DOCK5: variants seen among roughly 807,000 people sequenced by gnomAD.
The protein encoded by DOCK5 is dedicator of cytokinesis 5.
DOCK5 carries 142 observed loss-of-function variants against 251.8 expected under a neutral mutation model. That is an observed-to-expected ratio of 0.56 (90% CI 0.49 to 0.65). The LOEUF (loss-of-function observed/expected upper bound fraction) is 0.65, where lower values mean the gene tolerates loss of function less well. Ranked by LOEUF, DOCK5 falls within the 30% of genes least tolerant of loss-of-function variation. The pLI, the probability that DOCK5 is intolerant of heterozygous loss-of-function variation, is 0.00. For missense variants in DOCK5, 2,111 were observed against 2,312.3 expected, an observed-to-expected ratio of 0.91 and a Z score of 1.79; for synonymous variants, 842 against 835.5, an observed-to-expected ratio of 1.01 and a Z score of -0.13.
rs370754245 is a variant in DOCK5 at position 25,396,633 on chromosome 8, A to G, written c.4704+914A>G. ...TTTACAGTGGTTAAATATTTTTTGA[A>G]TATAAACTTTTTGGATATAAATCAA... On this transcript the variant is annotated intron_variant, in intron 45 of 51. Coordinates refer to ENST00000276440, the MANE Select transcript of DOCK5 (RefSeq NM_024940.8). 4.6e-5 allele frequency among the ~76,000 whole-genome samples: 7 copies of G among 152,230 alleles called. No homozygotes were observed. In the East Asian group the frequency reaches 9.7e-4, roughly 21 times the overall value.
intron 11 of DOCK5, 28 bp from the exon 12 acceptor site, chr8:25,308,755 A>C: frequency 6.2e-7 from 1 of 1,611,394 alleles, no homozygotes; most frequent in Non-Finnish European, 8.5e-7. Context: ...TCCCCCTCCC[A>C]CCTTACCTCT....
chr8:25,317,591 A>G (rs1194364868), intron 14 of DOCK5, among the ~76,000 whole-genome samples: 2 of 152,104 alleles, frequency 1.3e-5, no homozygotes, highest in African/African-American at 2.4e-5. Context: ...GGCATCCGCT[A>G]CCACTGCTCT....
At chr8:25,196,870 A>G (rs1270354709) in intron 1 of DOCK5, among the ~76,000 whole-genome samples, 1 of 152,166 alleles carries the variant, frequency 6.6e-6, no homozygotes, top group African/African-American at 2.4e-5. Flanking sequence ...ATTGAACCGT[A>G]TGTCTGTGGT....
intron 27 of DOCK5, among the ~76,000 whole-genome samples, chr8:25,354,073 A>G (rs958877825): frequency 7.0e-6 from 1 of 143,846 alleles, no homozygotes; most frequent in Admixed American, 7.0e-5. Context: ...AACGTAGGAG[A>G]GAAAACTAGT....
Position 25,373,611 on chromosome 8 carries a change from C to A in DOCK5, c.3685-7C>A. On this transcript the variant is annotated splice_region_variant and splice_polypyrimidine_tract_variant and intron_variant, in intron 35 of 51. Transcript: ENST00000276440. ...TGGGATTCTGTGATCCTTTTTTTTC[C>A]TGGCAGAACTTTTATAAAGAAAAGA... 1 of 1,583,098 alleles carries A rather than the reference C, an allele frequency of 6.3e-7. No homozygotes were observed. Among genetic ancestry groups the A allele is most frequent in the South Asian group, 1.2e-5 (1 of 85,558 alleles).
intron 1 of DOCK5, among the ~76,000 whole-genome samples, chr8:25,200,239 T>C (rs1801848650): frequency 6.6e-6 from 1 of 152,208 alleles, no homozygotes; most frequent in African/African-American, 2.4e-5. Flanking sequence ...GCACATACCC[T>C]TTGACTTAGC....
At chr8:25,368,837 C>A in intron 33 of DOCK5, 112 bp downstream of exon 33, 1 of 1,148,728 alleles carries the variant, frequency 8.7e-7, no homozygotes, top group Non-Finnish European at 1.2e-6. Context: ...CCATGTTGAT[C>A]TGAAAGTTCA....
chr8:25,217,398 CTGAAGTTAGGGG>C, intron 1 of DOCK5, among the ~76,000 whole-genome samples: 1 of 151,962 alleles, frequency 6.6e-6, no homozygotes, highest in East Asian at 1.9e-4. Context: ...AAACGGGGAA[CTGAAGTTAGGGG>C]TTTGAGTCAC....
At chr8:25,271,811 G>A (rs1189766177) in intron 3 of DOCK5, among the ~76,000 whole-genome samples, 2 of 152,240 alleles carry the variant, frequency 1.3e-5, no homozygotes, top group African/African-American at 4.8e-5. Flanking sequence ...AGAAACACAT[G>A]ACCTAGGTTT....
intron 1 of DOCK5, among the ~76,000 whole-genome samples, chr8:25,229,098 G>C (rs1802604667): frequency 6.6e-6 from 1 of 151,122 alleles, no homozygotes. Flanking sequence ...TGTGATGCAA[G>C]AATTTTACAC....
chr8:25,395,578 C>A lies in DOCK5; in HGVS notation c.4563C>A (p.Thr1521=), dbSNP rs753572778. ...EISPLENAIE[T]MELTNERISN... is the part of the protein sequence containing the mutation. ...GTCCTCTGGAGAATGCCATCGAAAC[C>A]ATGGAGCTGACCAACGAGAGGATCA... is the stretch of plus-strand genomic sequence containing the variant. The change falls in exon 45 of 52, where the codon ACC becomes ACA. Residue 1521 remains threonine (T), a synonymous_variant. Coordinates refer to ENST00000276440, the MANE Select transcript of DOCK5 (RefSeq NM_024940.8). 1 of 1,613,584 alleles carries A rather than the reference C, an allele frequency of 6.2e-7. No individual in the cohort carries two copies.
rs1452962416 is a variant in DOCK5, at chr8:25,351,899, G to A, written c.2850+73G>A. 3 of 1,248,732 alleles carry A rather than the reference G, an allele frequency of 2.4e-6. No individual in the cohort carries two copies. The African/African-American group carries it at 4.4e-5, about 18-fold the overall frequency. The allele number at this position is 1,248,732 out of a possible 1,614,324, so 77.4% of individuals were successfully genotyped here. Reference sequence around the variant, plus strand: ...CCCTTTGCCTATCGGGAGGCCTTCGGGGCCAGTGGCTTGAGACTATTCTTC... The same window carrying A: ...CCCTTTGCCTATCGGGAGGCCTTCGAGGCCAGTGGCTTGAGACTATTCTTC... On this transcript the variant is annotated intron_variant, in intron 27 of 51. Transcript: ENST00000276440.
At chr8:25,323,574 G>C (rs1276469535) in intron 16 of DOCK5, among the ~76,000 whole-genome samples, 4 of 152,082 alleles carry the variant, frequency 2.6e-5, no homozygotes, top group East Asian at 1.9e-4. Flanking sequence ...GAGTTGACGT[G>C]GGGTGGAGTT....
intron 1 of DOCK5, among the ~76,000 whole-genome samples, chr8:25,202,665 C>G (rs1170889957): frequency 6.6e-6 from 1 of 152,074 alleles, no homozygotes; most frequent in Non-Finnish European, 1.5e-5. Context: ...ACGGATAGTA[C>G]CCAAGCTTGT....
rs187781601 is a variant in DOCK5, at chr8:25,355,192, C to A, written c.2850+3366C>A. 3.2e-3 allele frequency among the ~76,000 whole-genome samples: 493 copies of A among 152,196 alleles called. 2 individuals carry two copies. The highest frequency in any genetic ancestry group is 0.011 in the African/African-American group (449 of 41,536). On this transcript the variant is annotated intron_variant, in intron 27 of 51. Coordinates refer to ENST00000276440, the MANE Select transcript of DOCK5 (RefSeq NM_024940.8). ...GAGGCTGCAGTGAGCTGTGAAGGTGCCACTGTGCTTCAGCCTGGGTGACAG... is the reference window on the plus strand; with the variant it reads ...GAGGCTGCAGTGAGCTGTGAAGGTGACACTGTGCTTCAGCCTGGGTGACAG...
chr8:25,264,474 G>C (rs1430381829), intron 2 of DOCK5, among the ~76,000 whole-genome samples: 1 of 151,580 alleles, frequency 6.6e-6, no homozygotes, highest in African/African-American at 2.4e-5. Flanking sequence ...TGTTCCTCTT[G>C]CTACTACACC....
intron 13 of DOCK5, among the ~76,000 whole-genome samples, chr8:25,314,953 T>A (rs1251212245): frequency 1.3e-5 from 2 of 149,634 alleles, no homozygotes; most frequent in Non-Finnish European, 3.0e-5. Flanking sequence ...TACGATGACC[T>A]CTTCCCTGGA....
At position 25,317,070 on chromosome 8, in the gene DOCK5, A is replaced by G; in HGVS notation, c.1382A>G (p.Lys461Arg). 1 of 1,613,990 alleles carries G rather than the reference A, an allele frequency of 6.2e-7. No individual in the cohort carries two copies. Among genetic ancestry groups the G allele is most frequent in the Non-Finnish European group, 8.5e-7 (1 of 1,179,878 alleles). Residue 461 changes from lysine to arginine, a missense_variant, in exon 14 of 52, where the codon AAG becomes AGG. Coordinates refer to ENST00000276440, the MANE Select transcript of DOCK5 (RefSeq NM_024940.8). ...GGTGAGTTTGACAAAGGGAAGAAGAAGACGCCAAAGAATGTGGAGGTGACG... is the reference window on the plus strand; with the variant it reads ...GGTGAGTTTGACAAAGGGAAGAAGAGGACGCCAAAGAATGTGGAGGTGACG... ...IHGEFDKGKK[K>R]TPKNVEVTMS... is the part of the protein sequence containing the mutation.
intron 38 of DOCK5, among the ~76,000 whole-genome samples, chr8:25,378,664 A>G (rs1031864860): frequency 3.3e-5 from 5 of 152,194 alleles, no homozygotes; most frequent in Non-Finnish European, 7.3e-5. Flanking sequence ...CTAGCCTCAG[A>G]CACTGAGGAC....
Sources: gnomAD v4.1 joint callset for allele counts (sites outside exome capture counted in the v4.1 genomes callset) on GRCh38, gnomAD v4.1.1 for gene constraint, MANE v1.5 for transcripts, NCBI Gene and HGNC (gene_info 2026-07-23, HGNC 2026-07-21) for gene names.